BICC1: variants seen among roughly 807,000 people sequenced by gnomAD.
BICC1 encodes the protein protein bicaudal C homolog 1.
In BICC1, 43 loss-of-function variants were observed where a neutral mutation model predicts 111.0. The ratio of observed to expected loss-of-function variants is 0.39; its 90% CI spans 0.30 to 0.50. The LOEUF is 0.50. Among genes scored for constraint, BICC1 ranks in the 20% least tolerant of loss-of-function variants. The pLI, the probability that BICC1 is intolerant of heterozygous loss-of-function variation, is 0.88. For synonymous variants in BICC1, 467 were observed against 434.4 expected (o/e 1.07, Z -0.93); for missense variants, 1,091 against 1,203.2 (o/e 0.91, Z 1.38).
chr10:58,667,399 G>GA (rs999590649), intron 2 of BICC1, among the ~76,000 whole-genome samples: 1 of 151,940 alleles, frequency 6.6e-6, no homozygotes, highest in Non-Finnish European at 1.5e-5. Context: ...CTGGAATTAT[G>GA]AAAAAAATAT....
intron 1 of BICC1, among the ~76,000 whole-genome samples, chr10:58,562,097 A>G (rs1216087704): frequency 6.6e-6 from 1 of 151,984 alleles, no homozygotes; most frequent in Non-Finnish European, 1.5e-5. Context: ...CCTTGGAGAG[A>G]ACTTTTTTGA....
chr10:58,672,172 A>G (rs1178716448), intron 2 of BICC1, among the ~76,000 whole-genome samples: 1 of 152,164 alleles, frequency 6.6e-6, no homozygotes, highest in Non-Finnish European at 1.5e-5. Context: ...TGCAACCATC[A>G]TCACCATCCA....
chr10:58,720,331 C>T (rs111580396), intron 3 of BICC1, among the ~76,000 whole-genome samples: 2 of 152,240 alleles, frequency 1.3e-5, no homozygotes, highest in African/African-American at 4.8e-5. Context: ...GATTAGTGGG[C>T]ACTAGAGTGA....
chr10:58,802,127 A>G (rs769164126), intron 14 of BICC1, among the ~76,000 whole-genome samples: 3 of 152,118 alleles, frequency 2.0e-5, no homozygotes, highest in East Asian at 1.9e-4. Flanking sequence ...CAAATCACCA[A>G]TGGTCTGTGT....
intron 3 of BICC1, among the ~76,000 whole-genome samples, chr10:58,717,627 G>A (rs1035463472): frequency 2.0e-5 from 3 of 152,216 alleles, no homozygotes; most frequent in African/African-American, 7.2e-5. Context: ...GTATATGTAG[G>A]ATATGGCTAT....
rs143359351 is a variant in BICC1 at position 58,761,307 on chromosome 10, G to A, written c.308-23694G>A. Among the ~76,000 whole-genome samples the A allele has an allele frequency of 4.9e-3, 739 of 152,264 alleles. 6 individuals carry two copies. Among genetic ancestry groups the A allele is most frequent in the Non-Finnish European group, 7.1e-3 (484 of 68,010 alleles). On this transcript the variant is annotated intron_variant, in intron 3 of 20. Transcript: ENST00000373886. ...AAGAAAGTTGCTTCCTTTCCAATTC[G>A]AAGAGGAGGTATACAAATCCTAGAG...
intron 3 of BICC1, among the ~76,000 whole-genome samples, chr10:58,725,989 A>G (rs1841091845): frequency 6.6e-6 from 1 of 152,218 alleles, no homozygotes. Flanking sequence ...GTTGATTGTT[A>G]AGGCTATTTC....
At chr10:58,529,298 G>A (rs1387784205) in intron 1 of BICC1, among the ~76,000 whole-genome samples, 1 of 151,900 alleles carries the variant, frequency 6.6e-6, no homozygotes, top group Non-Finnish European at 1.5e-5. Context: ...GCAGGAAAAT[G>A]TAATGTTGTG....
chr10:58,573,140 CT>C (rs928114902), intron 1 of BICC1, among the ~76,000 whole-genome samples: 2 of 152,148 alleles, frequency 1.3e-5, no homozygotes, highest in African/African-American at 4.8e-5. Flanking sequence ...TCTGCCTCTA[CT>C]TTCTCTTCCC....
intron 2 of BICC1, among the ~76,000 whole-genome samples, chr10:58,673,154 A>G (rs1036362686): frequency 2.0e-5 from 3 of 152,196 alleles, no homozygotes; most frequent in South Asian, 2.1e-4. Context: ...TGAAATGTAT[A>G]AATTCTTTGA....
At chr10:58,762,881 C>A (rs374509441) in intron 3 of BICC1, among the ~76,000 whole-genome samples, 102 of 151,512 alleles carry the variant, frequency 6.7e-4, no homozygotes, top group Middle Eastern at 3.4e-3. Flanking sequence ...GCAATTTCAT[C>A]GTAACACAAA....
At chr10:58,601,143 T>TATATATATATATA (rs1845017099) in intron 1 of BICC1, among the ~76,000 whole-genome samples, 1 of 103,638 alleles carries the variant, frequency 9.6e-6, no homozygotes, top group Non-Finnish European at 1.9e-5. Flanking sequence ...TTAAAACTTA[T>TATATATATATATA]ATATATATAT....
intron 2 of BICC1, among the ~76,000 whole-genome samples, chr10:58,699,880 C>T (rs946317273): frequency 7.9e-5 from 12 of 152,112 alleles, no homozygotes; most frequent in South Asian, 6.2e-4. Context: ...TTTGTAGAGA[C>T]GGAGTCTCAC....
At chr10:58,523,626 C>T (rs997517846) in intron 1 of BICC1, among the ~76,000 whole-genome samples, 2 of 152,262 alleles carry the variant, frequency 1.3e-5, no homozygotes, top group Admixed American at 6.5e-5. Context: ...TGGAAGCATT[C>T]CCTTTGAAAA....
chr10:58,585,588 A>G (rs2132024392), intron 1 of BICC1, among the ~76,000 whole-genome samples: 1 of 152,182 alleles, frequency 6.6e-6, no homozygotes, highest in East Asian at 1.9e-4. Context: ...CATACACCTC[A>G]CAGGGGACCA....
At chr10:58,514,230 C>T (rs990843054) in intron 1 of BICC1, among the ~76,000 whole-genome samples, 1 of 152,172 alleles carries the variant, frequency 6.6e-6, no homozygotes, top group African/African-American at 2.4e-5. Flanking sequence ...CGATGTGGCT[C>T]ATTTCCCACA....
intron 2 of BICC1, among the ~76,000 whole-genome samples, chr10:58,639,047 C>T (rs1456674370): frequency 3.3e-5 from 5 of 151,718 alleles, no homozygotes; most frequent in African/African-American, 1.2e-4. Flanking sequence ...AGCTAATTAA[C>T]GTATGCATTA....
At chr10:58,712,983 A>G (rs1329406216) in intron 3 of BICC1, among the ~76,000 whole-genome samples, 1 of 152,184 alleles carries the variant, frequency 6.6e-6, no homozygotes, top group Non-Finnish European at 1.5e-5. Context: ...TAGACACAGC[A>G]TTTTTATCAG....
At chr10:58,544,297 C>T (rs901190370) in intron 1 of BICC1, among the ~76,000 whole-genome samples, 37 of 152,204 alleles carry the variant, frequency 2.4e-4, no homozygotes, top group African/African-American at 8.9e-4. Context: ...ATTTGTGTGA[C>T]TTGAAGTTTA....
Sources: allele counts gnomAD v4.1 joint callset (sites outside exome capture counted in the v4.1 genomes callset), GRCh38; gene constraint gnomAD v4.1.1; transcripts MANE v1.5; gene names NCBI Gene and HGNC (gene_info 2026-07-23, HGNC 2026-07-21).